EXOC4: variants seen among roughly 807,000 people sequenced by gnomAD.
EXOC4 encodes exocyst complex component 4, also known as SEC8-like 1.
A neutral mutation model predicts 107.2 loss-of-function variants in EXOC4; 71 were observed. The ratio of observed to expected loss-of-function variants is 0.66; its 90% CI spans 0.55 to 0.81. The LOEUF is 0.81. Among genes scored for constraint, EXOC4 ranks in the 30% least tolerant of loss-of-function variants. The pLI is 0.00. For missense variants in EXOC4, 1,108 were observed against 1,189.6 expected, an observed-to-expected ratio of 0.93 and a Z score of 1.01; for synonymous variants, 456 against 441.2, an observed-to-expected ratio of 1.03 and a Z score of -0.42.
rs117889555 is a variant in EXOC4 at position 133,909,290 on chromosome 7, T to G, written c.1872-8293T>G. 9.2e-5 allele frequency among the ~76,000 whole-genome samples: 14 copies of G among 152,266 alleles called. No individual in the cohort carries two copies. In the East Asian group the frequency reaches 1.5e-3, roughly 17 times the overall value. On this transcript the variant is annotated intron_variant, in intron 12 of 17. Coordinates refer to ENST00000253861, the MANE Select transcript of EXOC4 (RefSeq NM_021807.4). ...TGCTTTCGTGGATTTTACACCTTAATGGAGGGAGCTAGATAATAATCAAGT... is the reference window on the plus strand; with the variant it reads ...TGCTTTCGTGGATTTTACACCTTAAGGGAGGGAGCTAGATAATAATCAAGT...
intron 10 of EXOC4, among the ~76,000 whole-genome samples, chr7:133,658,780 G>C (rs1328275020): frequency 2.0e-5 from 3 of 152,110 alleles, no homozygotes; most frequent in South Asian, 4.1e-4. Context: ...AAGGAATACT[G>C]TTGCAATAAG....
At chr7:133,794,140 T>C (rs1796764660) in intron 10 of EXOC4, among the ~76,000 whole-genome samples, 1 of 152,194 alleles carries the variant, frequency 6.6e-6, no homozygotes, top group African/African-American at 2.4e-5. Flanking sequence ...TGCTACTAAG[T>C]GGTTTGGGCT....
intron 10 of EXOC4, among the ~76,000 whole-genome samples, chr7:133,660,448 C>G (rs1803412765): frequency 6.6e-6 from 1 of 152,146 alleles, no homozygotes; most frequent in Non-Finnish European, 1.5e-5. Context: ...GCGAAGGTGC[C>G]TACCCCTCTA....
chr7:134,081,057 C>A, the EXOC4 span, among the ~76,000 whole-genome samples: 1 of 152,030 alleles, frequency 6.6e-6, no homozygotes. Context: ...AAAACAGCAA[C>A]CCTGGCCAGG....
intron 10 of EXOC4, among the ~76,000 whole-genome samples, chr7:133,704,478 T>A (rs994826908): frequency 5.9e-5 from 9 of 152,222 alleles, no homozygotes; most frequent in African/African-American, 2.2e-4. Context: ...TTTCCCTTTT[T>A]CCTATCACTG....
At chr7:133,746,665 T>G (rs76237016) in intron 10 of EXOC4, among the ~76,000 whole-genome samples, 3,517 of 152,292 alleles carry the variant, frequency 0.023, 124 homozygotes, top group African/African-American at 0.077. Flanking sequence ...TGTAATTCAG[T>G]GCTCATTTTT....
rs557122577 is a variant in EXOC4, at chr7:133,948,796, A to G, written c.2206+10727A>G. Among the ~76,000 whole-genome samples the G allele has an allele frequency of 1.3e-4, 20 of 152,334 alleles. No individual in the cohort carries two copies. The South Asian group carries it at 4.1e-3, about 32-fold the overall frequency. ...AATGCAAAAGTTTGGCAGTTTCCCA[A>G]GGTCAAAATCAGTCAATGACAAAAA... On this transcript the variant is annotated intron_variant, in intron 14 of 17. Coordinates refer to ENST00000253861, the MANE Select transcript of EXOC4 (RefSeq NM_021807.4).
intron 17 of EXOC4, among the ~76,000 whole-genome samples, chr7:134,041,395 A>G (rs1041783665): frequency 1.3e-5 from 2 of 152,206 alleles, no homozygotes; most frequent in Non-Finnish European, 2.9e-5. Flanking sequence ...CTTATTTGCA[A>G]ATGTAGACAT....
chr7:133,534,960 G>A (rs1294111600), intron 9 of EXOC4, among the ~76,000 whole-genome samples: 1 of 152,156 alleles, frequency 6.6e-6, no homozygotes. Flanking sequence ...TGTGTCAACA[G>A]ATTTGATGTT....
At chr7:133,736,290 C>G (rs892540307) in intron 10 of EXOC4, among the ~76,000 whole-genome samples, 1 of 152,152 alleles carries the variant, frequency 6.6e-6, no homozygotes, top group African/African-American at 2.4e-5. Flanking sequence ...TACTCTTTCT[C>G]TTTTGAATAT....
intron 10 of EXOC4, among the ~76,000 whole-genome samples, chr7:133,765,316 G>A (rs1796113597): frequency 6.6e-6 from 1 of 151,942 alleles, no homozygotes; most frequent in South Asian, 2.1e-4. Context: ...TTTATCACTG[G>A]TTTAGAATAA....
At chr7:133,924,840 T>G (rs1245286544) in intron 13 of EXOC4, among the ~76,000 whole-genome samples, 2 of 152,366 alleles carry the variant, frequency 1.3e-5, no homozygotes, top group Non-Finnish European at 2.9e-5. Context: ...AAAGGATTTA[T>G]CCATGTTTTT....
chr7:133,774,522 G>A (rs1402637772), intron 10 of EXOC4, among the ~76,000 whole-genome samples: 3 of 152,112 alleles, frequency 2.0e-5, no homozygotes, highest in East Asian at 1.9e-4. Flanking sequence ...TTGTGCCATC[G>A]TCGTTTAACT....
At chr7:133,493,579 A>T (rs1799417590) in intron 9 of EXOC4, among the ~76,000 whole-genome samples, 1 of 152,200 alleles carries the variant, frequency 6.6e-6, no homozygotes. Flanking sequence ...TTTTAAATTA[A>T]TGAACCAATA....
At chr7:133,766,207 T>C (rs912471030) in intron 10 of EXOC4, among the ~76,000 whole-genome samples, 2 of 151,992 alleles carry the variant, frequency 1.3e-5, no homozygotes, top group Admixed American at 6.6e-5. Flanking sequence ...TTATAATTAC[T>C]ATGTAAGAAC....
At chr7:133,423,693 T>C (rs1289465129) in intron 7 of EXOC4, among the ~76,000 whole-genome samples, 1 of 152,158 alleles carries the variant, frequency 6.6e-6, no homozygotes, top group Non-Finnish European at 1.5e-5. Flanking sequence ...CTGGGCCCTC[T>C]TTGGGGCTGG....
intron 1 of EXOC4, among the ~76,000 whole-genome samples, chr7:133,260,510 G>C (rs1795123616): frequency 6.6e-6 from 1 of 152,192 alleles, no homozygotes; most frequent in Admixed American, 6.5e-5. Flanking sequence ...CTGACCTCAA[G>C]TGACCCACTT....
intron 5 of EXOC4, among the ~76,000 whole-genome samples, chr7:133,338,742 T>G (rs1584828281): frequency 7.2e-6 from 1 of 139,346 alleles, no homozygotes; most frequent in Admixed American, 7.7e-5. Context: ...TACCCAATGG[T>G]GTAGTCTTTT....
chr7:133,730,516 A>G (rs937672212), intron 10 of EXOC4, among the ~76,000 whole-genome samples: 1 of 152,212 alleles, frequency 6.6e-6, no homozygotes, highest in African/African-American at 2.4e-5. Flanking sequence ...TGATATAACG[A>G]AAGTCAACTT....
Sources: allele counts gnomAD v4.1 joint callset (sites outside exome capture counted in the v4.1 genomes callset), GRCh38; gene constraint gnomAD v4.1.1; transcripts MANE v1.5; gene names NCBI Gene and HGNC (gene_info 2026-07-23, HGNC 2026-07-21).